ITPA: variants seen among roughly 807,000 people sequenced by gnomAD.
ITPA encodes the protein inosine triphosphatase.
ITPA carries 29 observed loss-of-function variants against 29.6 expected under a neutral mutation model. The ratio of observed to expected loss-of-function variants is 0.98; its 90% confidence interval spans 0.73 to 1.34. The LOEUF is 1.34. Among genes scored for constraint, ITPA ranks in the 40% most tolerant of loss-of-function variants. The pLI is 0.00. For missense variants in ITPA, 241 were observed against 251.5 expected (o/e 0.96, Z 0.28); for synonymous variants, 103 against 99.3 (o/e 1.04, Z -0.22).
upstream of ITPA, among the ~76,000 whole-genome samples, chr20:3,204,976 G>A (rs539905638): frequency 2.0e-5 from 3 of 151,784 alleles, no homozygotes; most frequent in African/African-American, 4.8e-5. Flanking sequence ...TCAGACTCCC[G>A]AGTAGCTGGG....
In ITPA at chr20:3,209,684, G is replaced by A. The variant is rs1432393093; in HGVS notation, c.66+67G>A. ...AATAGGGCGGAGAAGGGGCTTCCGG[G>A]AGGAGGGAAGCACGTGGGAGGAGGC... On this transcript the variant is annotated intron_variant, in intron 1 of 7. Coordinates refer to ENST00000380113, the MANE Select transcript of ITPA (RefSeq NM_033453.4). The surrounding 1 kb of genome is among the most constrained non-coding windows in gnomAD (Gnocchi z 4.6). The A allele has an allele frequency of 7.6e-6, 10 of 1,323,882 alleles. No individual in the cohort carries two copies. The highest frequency in any genetic ancestry group is 4.3e-5 in the African/African-American group (3 of 69,254). 82.0% of individuals were successfully genotyped at this position (1,323,882 alleles called of 1,614,324 possible).
chr20:3,226,904 C>A (rs1385558114), downstream of ITPA, among the ~76,000 whole-genome samples: 1 of 152,202 alleles, frequency 6.6e-6, no homozygotes, highest in Non-Finnish European at 1.5e-5. The surrounding 1 kb of genome is among the most constrained non-coding windows in gnomAD (Gnocchi z 4.4). Flanking sequence ...CACCTTCTCC[C>A]TCCGTCAAAC....
chr20:3,221,889 T>C lies in ITPA; in HGVS notation c.460T>C (p.Cys154Arg). ...CTGCCAGGACTTTGGCTGGGACCCC[T>C]GCTTTCAGCCTGATGGATATGAGCA... is the stretch of plus-strand genomic sequence containing the variant. ...RGCQDFGWDP[C>R]FQPDGYEQTY... The change falls in exon 7 of 8, where the codon TGC becomes CGC. Residue 154 changes from cysteine (C) to arginine (R), a missense_variant. Physicochemically the swap from Cys to Arg is radical, Grantham distance 180. Coordinates refer to ENST00000380113, the MANE Select transcript of ITPA (RefSeq NM_033453.4). 6.2e-7 allele frequency: 1 copy of C among 1,614,090 alleles called. No individual in the cohort carries two copies. The highest frequency in any genetic ancestry group is 8.5e-7 in the Non-Finnish European group (1 of 1,180,038).
intron 5 of ITPA, among the ~76,000 whole-genome samples, chr20:3,217,251 T>C (rs2067329513): frequency 6.6e-6 from 1 of 152,184 alleles, no homozygotes; most frequent in African/African-American, 2.4e-5. Flanking sequence ...CATAATAGGA[T>C]AATGGGCATA....
At chr20:3,226,609 C>T (rs1198192114), downstream of ITPA, among the ~76,000 whole-genome samples, 1 of 152,254 alleles carries the variant, frequency 6.6e-6, no homozygotes, top group Non-Finnish European at 1.5e-5. The surrounding 1 kb of genome is among the most constrained non-coding windows in gnomAD (Gnocchi z 4.4). Context: ...TTCACGGCCT[C>T]TGCCTCTTCT....
rs1254508240 is a variant in ITPA, at chr20:3,223,555, C to T, written c.*93C>T. The T allele has an allele frequency of 1.8e-5, 17 of 926,436 alleles. No individual in the cohort carries two copies. The highest frequency in any genetic ancestry group is 4.2e-5 in the South Asian group (3 of 71,754). 57.4% of individuals were successfully genotyped at this position (926,436 alleles called of 1,614,324 possible). The stretch of plus-strand genomic sequence containing the variant: ...CGGGCAGGCACCCCCTGAAGTACTT[C>T]CTTCAGGGTTTCCCCTTTGTGAGGG... On this transcript the variant is annotated 3_prime_UTR_variant, in exon 8 of 8. Coordinates refer to ENST00000380113, the MANE Select transcript of ITPA (RefSeq NM_033453.4).
chr20:3,204,449 G>C, upstream of ITPA: 1 of 1,369,120 alleles, frequency 7.3e-7, no homozygotes. Context: ...AGGTGCGCAC[G>C]CGCAGGAGCC....
At chr20:3,204,742 A>T, upstream of ITPA, 1 of 1,027,566 alleles carries the variant, frequency 9.7e-7, no homozygotes, top group Admixed American at 2.5e-5. Flanking sequence ...GCCCAGCGGC[A>T]CATCACAGAG....
chr20:3,216,546 C>T (rs138753251), intron 5 of ITPA, among the ~76,000 whole-genome samples: 26,524 of 150,014 alleles, frequency 0.18, 2,483 homozygotes, highest in African/African-American at 0.22. Context: ...CTCCGCCTCC[C>T]GGGTTCAAGT....
chr20:3,218,011 T>G (rs928571161), intron 5 of ITPA, among the ~76,000 whole-genome samples: 3 of 151,374 alleles, frequency 2.0e-5, no homozygotes, highest in Non-Finnish European at 2.9e-5. Context: ...TCCGCCTCCC[T>G]TGTTCACACC....
rs559175618 is a variant in ITPA at position 3,209,898 on chromosome 20, G to T, written c.66+281G>T. On this transcript the variant is annotated intron_variant, in intron 1 of 7. Coordinates refer to ENST00000380113, the MANE Select transcript of ITPA (RefSeq NM_033453.4). The surrounding 1 kb of genome is among the most constrained non-coding windows in gnomAD (Gnocchi z 4.6). ...CTGCGGGACCCGGAGGAGTAGCGGG[G>T]CTCTTAACAACCGCCCCGAAGGTCA... Among the ~76,000 whole-genome samples the T allele has an allele frequency of 1.8e-4, 28 of 152,216 alleles. No homozygotes were observed. Among genetic ancestry groups the T allele is most frequent in the Non-Finnish European group, 3.5e-4 (24 of 68,014 alleles).
chr20:3,218,704 G>T, intron 6 of ITPA, 72 bp downstream of exon 6: 1 of 1,163,274 alleles, frequency 8.6e-7, no homozygotes, highest in Non-Finnish European at 1.3e-6. Context: ...CGACCGCCCC[G>T]AGTCTGCGGG....
intron 1 of ITPA, among the ~76,000 whole-genome samples, chr20:3,210,144 G>T (rs6115814): frequency 0.053 from 8,049 of 152,246 alleles, 545 homozygotes; most frequent in African/African-American, 0.15. Context: ...ATAGAGAGGA[G>T]GAGTAAAGGA....
At chr20:3,216,755 T>G (rs546328428) in intron 5 of ITPA, among the ~76,000 whole-genome samples, 1 of 152,104 alleles carries the variant, frequency 6.6e-6, no homozygotes, top group Admixed American at 6.5e-5. Context: ...CCCGGCTTAA[T>G]TTTTGTATTT....
chr20:3,207,018 A>T (rs566683512), upstream of ITPA, among the ~76,000 whole-genome samples: 53 of 152,180 alleles, frequency 3.5e-4, no homozygotes, highest in African/African-American at 7.9e-4. Context: ...CATCTCAAAA[A>T]AAATAAATAA....
chr20:3,204,685 C>G, upstream of ITPA: 1 of 1,504,434 alleles, frequency 6.6e-7, no homozygotes, highest in Non-Finnish European at 8.9e-7. Context: ...TCTCATAGGC[C>G]CCGCCCCTAT....
chr20:3,211,055 CTG>C lies in ITPA; in HGVS notation c.66+1440_66+1441del, dbSNP rs530657536. ...AAGAGTTGAGTGACAGAGTGAGACT[CTG>C]TCTCAAATAAAAAAAAAAAAAGAAG... On this transcript the variant is annotated intron_variant, in intron 1 of 7. Transcript: ENST00000380113. Among the ~76,000 whole-genome samples, 33 of 133,898 alleles carry C rather than the reference CTG, an allele frequency of 2.5e-4. No homozygotes were observed. The East Asian group carries it at 7.7e-3, about 31-fold the overall frequency. 87.8% of individuals were successfully genotyped at this position (133,898 alleles called of 152,430 possible). A position where few individuals can be genotyped will look rare whatever the true frequency, so the allele number is the denominator to read the frequency against.
At chr20:3,207,291 A>AGTCTAGC (rs1568503693), upstream of ITPA, among the ~76,000 whole-genome samples, 1 of 152,092 alleles carries the variant, frequency 6.6e-6, no homozygotes, top group Non-Finnish European at 1.5e-5. Context: ...GGGTTTCACC[A>AGTCTAGC]TGTTGTCTAG....
intron 1 of ITPA, among the ~76,000 whole-genome samples, chr20:3,212,146 G>A (rs1165350138): frequency 6.7e-6 from 1 of 149,348 alleles, no homozygotes; most frequent in Non-Finnish European, 1.5e-5. Flanking sequence ...ACTCCAGCCT[G>A]GGTGACAGAG....
Sources: allele counts gnomAD v4.1 joint callset (sites outside exome capture counted in the v4.1 genomes callset), GRCh38; gene constraint gnomAD v4.1.1; non-coding constraint Gnocchi (gnomAD v3.1); transcripts MANE v1.5; gene names NCBI Gene and HGNC (gene_info 2026-07-23, HGNC 2026-07-21).